Variants in ADAMTS7 observed in about 807,000 individuals in gnomAD.
ADAMTS7 encodes the protein A disintegrin and metalloproteinase with thrombospondin motifs 7.
Under a neutral mutation model 172.6 loss-of-function variants are expected in ADAMTS7, and 89 were observed. The observed-to-expected ratio is 0.52, with a 90% CI of 0.43 to 0.61. ADAMTS7 has a LOEUF of 0.61. ADAMTS7 is among the 20% of genes least tolerant of loss of function. The pLI, the probability that ADAMTS7 is intolerant of heterozygous loss-of-function variation, is 0.00. For synonymous variants in ADAMTS7, 885 were observed against 978.4 expected (o/e 0.90, Z 1.78); for missense variants, 1,973 against 2,355.6 (o/e 0.84, Z 3.36).
In ADAMTS7 at chr15:78,759,537, G is replaced by A. The variant is rs372547245; in HGVS notation, c.4945C>T (p.Leu1649=). The A allele has an allele frequency of 1.0e-5, 16 of 1,595,558 alleles. No homozygotes were observed. The African/African-American group carries it at 1.9e-4, about 19-fold the overall frequency. ...AGCTGGCAGCGGCCCAGTAGGCGCAGCGTCTCGCAGAACCCGAAGGACAGG... is the reference window on the plus strand; with the variant it reads ...AGCTGGCAGCGGCCCAGTAGGCGCAACGTCTCGCAGAACCCGAAGGACAGG... ...DRLSFGFCET[L]RLLGRCQLPT... is the part of the protein sequence containing the mutation. The change falls in exon 24 of 24, where the codon CTG becomes TTG. Residue 1649 remains leucine (L), a synonymous_variant. Coordinates refer to ENST00000388820, the MANE Select transcript of ADAMTS7 (RefSeq NM_014272.5).
chr15:78,774,243 C>A lies in ADAMTS7; in HGVS notation c.1934G>T (p.Arg645Leu). 1 of 1,582,724 alleles carries A rather than the reference C, an allele frequency of 6.3e-7. No individual in the cohort carries two copies. The highest frequency in any genetic ancestry group is 1.1e-5 in the South Asian group (1 of 88,286). The change falls in exon 13 of 24, where the codon CGG (arginine) becomes CTG (leucine). Residue 645 changes from arginine (R) to leucine (L), a missense_variant. By Grantham distance (102) the Arg-to-Leu change is moderately radical. Coordinates refer to ENST00000388820, the MANE Select transcript of ADAMTS7 (RefSeq NM_014272.5). ...PANEYFAEKLRDAVVDGTPCY... is the reference protein window; with the variant it reads ...PANEYFAEKLLDAVVDGTPCY... ...GGGGGTGCCATCGACCACGGCGTCC[C>A]GCAGCTTCTCGGCAAAGTACTCATT...
chr15:78,806,091 A>ACACACACACACACACACAC (rs1318537417), intron 1 of ADAMTS7, among the ~76,000 whole-genome samples: 1 of 27,414 alleles, frequency 3.6e-5, no homozygotes, highest in African/African-American at 1.5e-4. Context: ...CCCCCCCAAA[A>ACACACACACACACACACAC]ACACACACAC....
rs1252206403 is a variant in ADAMTS7 at position 78,800,354 on chromosome 15, AT to A, written c.293del (p.Asn98IlefsTer10). 1 of 1,604,950 alleles carries A rather than the reference AT, an allele frequency of 6.2e-7. No individual in the cohort carries two copies. Among genetic ancestry groups the A allele is most frequent in the Non-Finnish European group, 8.5e-7 (1 of 1,176,894 alleles). On this transcript the variant is annotated frameshift_variant, in exon 2 of 24. Coordinates refer to ENST00000388820, the MANE Select transcript of ADAMTS7 (RefSeq NM_014272.5). LOFTEE classifies it high-confidence loss of function. ...GRELRFNLTA[N>X]QHLLAPGFVS... Reference sequence around the variant, plus strand: ...CAAAGCCGGGCGCCAGCAGGTGCTGATTGGCGGTCAGGTTGAAGCGCAGCTC... The same window carrying A: ...CAAAGCCGGGCGCCAGCAGGTGCTGATGGCGGTCAGGTTGAAGCGCAGCTC...
chr15:78,775,097 T>TG (rs1567217942), intron 11 of ADAMTS7, among the ~76,000 whole-genome samples: 1 of 152,114 alleles, frequency 6.6e-6, no homozygotes, highest in African/African-American at 2.4e-5. Flanking sequence ...AAAGTGGGGT[T>TG]GGGGCTGCTT....
At chr15:78,767,830 C>T (rs923342823) in intron 17 of ADAMTS7, among the ~76,000 whole-genome samples, 6 of 151,852 alleles carry the variant, frequency 4.0e-5, no homozygotes, top group Middle Eastern at 3.2e-3. Context: ...CTGAGCATGA[C>T]CTAAGGCCTG....
intron 1 of ADAMTS7, among the ~76,000 whole-genome samples, chr15:78,806,086 C>G (rs868315108): frequency 5.0e-5 from 5 of 100,484 alleles, no homozygotes; most frequent in African/African-American, 8.6e-5. Context: ...ACTCCCCCCC[C>G]CAAAAACACA....
chr15:78,787,554 C>T (rs1482770790), intron 8 of ADAMTS7, among the ~76,000 whole-genome samples: 2 of 152,142 alleles, frequency 1.3e-5, no homozygotes, highest in Non-Finnish European at 2.9e-5. Flanking sequence ...GTCCCAGCTA[C>T]TCAGGAGGCT....
At chr15:78,767,855 G>C (rs1293404214) in intron 17 of ADAMTS7, among the ~76,000 whole-genome samples, 5 of 151,646 alleles carry the variant, frequency 3.3e-5, no homozygotes, top group African/African-American at 1.2e-4. Flanking sequence ...CACATCCAGG[G>C]ACCCAAAGAG....
intron 4 of ADAMTS7, among the ~76,000 whole-genome samples, chr15:78,792,681 T>C (rs1976007): frequency 0.78 from 118,444 of 152,082 alleles, 46,216 homozygotes; most frequent in East Asian, 0.91. Context: ...GGCATAGTGG[T>C]GCATGCCTGT....
chr15:78,793,161 G>A (rs138386945), intron 4 of ADAMTS7, among the ~76,000 whole-genome samples: 1 of 152,214 alleles, frequency 6.6e-6, no homozygotes, highest in African/African-American at 2.4e-5. Flanking sequence ...AATTATCCTC[G>A]TTTTACAAAT....
Position 78,766,625 on chromosome 15 carries a change from G to T in ADAMTS7, c.3286C>A (p.Pro1096Thr), listed in dbSNP as rs147739185. 8.1e-3 allele frequency: 13,048 copies of T among 1,608,352 alleles called. 112 individuals carry two copies. Among genetic ancestry groups the T allele is most frequent in the Non-Finnish European group, 9.6e-3 (11,309 of 1,178,632 alleles). The change falls in exon 19 of 24, where the codon CCC becomes ACC. Residue 1096 changes from proline to threonine, a missense_variant. Pro to Thr is a conservative substitution (Grantham distance 38). This residue lies in a region of ADAMTS7 where 771 missense variants were observed against 952.6 expected (regional missense o/e 0.81). Transcript: ENST00000388820. ...LDLAGTGDRT[P>T]PPHSHPAAPS... ...GCAGCAGGATGGCTGTGTGGTGGGG[G>T]TGTCCGGTCCCCTGTCCCCGCCAGG...
chr15:78,762,590 G>T, intron 22 of ADAMTS7, 25 bp from the exon 23 acceptor site: 1 of 1,370,674 alleles, frequency 7.3e-7, no homozygotes, highest in African/African-American at 1.5e-5. Flanking sequence ...GGAGGAATGA[G>T]TGTCTCCAGG....
intron 7 of ADAMTS7, 77 bp from the exon 8 acceptor site, chr15:78,788,451 A>C: frequency 6.4e-7 from 1 of 1,563,804 alleles, no homozygotes; most frequent in South Asian, 1.2e-5. Context: ...GACACCCACA[A>C]GGTGCGCAGT....
intron 4 of ADAMTS7, among the ~76,000 whole-genome samples, chr15:78,793,448 C>T (rs574864490): frequency 6.6e-6 from 1 of 151,976 alleles, no homozygotes; most frequent in African/African-American, 2.4e-5. Flanking sequence ...CTGCAGCCTC[C>T]ACCTCCTGGG....
intron 3 of ADAMTS7, among the ~76,000 whole-genome samples, chr15:78,797,138 C>T (rs1319890740): frequency 6.6e-5 from 10 of 152,196 alleles, no homozygotes; most frequent in Admixed American, 2.6e-4. Flanking sequence ...CCTATCTCCC[C>T]GTGTCACTTC....
chr15:78,759,913 C>A (rs2055014211), intron 23 of ADAMTS7, among the ~76,000 whole-genome samples: 1 of 152,180 alleles, frequency 6.6e-6, no homozygotes, highest in African/African-American at 2.4e-5. Context: ...CCTTGCTCAT[C>A]CCTGGTGTTC....
In ADAMTS7 at chr15:78,811,100, C is replaced by A. The variant is rs2055859831; in HGVS notation, c.100+21G>T. 9.1e-6 allele frequency: 11 copies of A among 1,211,198 alleles called. No homozygotes were observed. In the East Asian group the frequency reaches 3.6e-4, roughly 40 times the overall value. The allele number at this position is 1,211,198 out of a possible 1,614,324, so 75.0% of individuals were successfully genotyped here. On this transcript the variant is annotated intron_variant, in intron 1 of 23. Coordinates refer to ENST00000388820, the MANE Select transcript of ADAMTS7 (RefSeq NM_014272.5). ...GGAAGGGGTGGCAGGCCCGGCTGGC[C>A]GGGGAGGGGCGGACACCCACCTGGT...
In ADAMTS7 at chr15:78,791,145, C is replaced by A; in HGVS notation, c.898G>T (p.Glu300Ter). 6.2e-7 allele frequency: 1 copy of A among 1,613,014 alleles called. No individual in the cohort carries two copies. Among genetic ancestry groups the A allele is most frequent in the Non-Finnish European group, 8.5e-7 (1 of 1,179,476 alleles). Reference sequence around the variant, plus strand: ...GGGACCACATGACCACTCACCTCCTCATCTTCCAGCAGGACCAGGCGCACA... The same window carrying A: ...GGGACCACATGACCACTCACCTCCTAATCTTCCAGCAGGACCAGGCGCACA... ...TIVRLVLLED[E>*]EEDLKITHHA... The change falls in exon 5 of 24, where the codon GAG becomes TAG. Residue 300 changes from glutamate to a stop codon, truncating the protein, a stop_gained. Transcript: ENST00000388820. LOFTEE classifies it high-confidence loss of function.
chr15:78,776,858 A>G lies in ADAMTS7; in HGVS notation c.1468-17T>C, dbSNP rs1260837455. On this transcript the variant is annotated splice_polypyrimidine_tract_variant and intron_variant, in intron 9 of 23. Coordinates refer to ENST00000388820, the MANE Select transcript of ADAMTS7 (RefSeq NM_014272.5). ...GCAGACATTCTGCGAGGAGGAGGGC[A>G]TGGGCCATACCCTCACACCCTCCCC... 4 of 1,532,486 alleles carry G rather than the reference A, an allele frequency of 2.6e-6. No individual in the cohort carries two copies. The highest frequency in any genetic ancestry group is 4.9e-5 in the East Asian group (2 of 40,626). The allele number at this position is 1,532,486 out of a possible 1,614,324, so 94.9% of individuals were successfully genotyped here.
Sources: gnomAD v4.1 joint callset for allele counts (sites outside exome capture counted in the v4.1 genomes callset) on GRCh38, gnomAD v4.1.1 for gene constraint, gnomAD v4.1.1 regional missense constraint, MANE v1.5 for transcripts, NCBI Gene and HGNC (gene_info 2026-07-23, HGNC 2026-07-21) for gene names.